Variants in IMPA2 observed in about 807,000 individuals in gnomAD.
IMPA2 encodes the protein IMP 2.
IMPA2 carries 32 observed loss-of-function variants against 35.1 expected under a neutral mutation model. That is an observed-to-expected ratio of 0.91 (90% CI 0.69 to 1.23). IMPA2 has a LOEUF of 1.23. Among genes scored for constraint, IMPA2 ranks in the 50% most tolerant of loss-of-function variants. IMPA2 has a pLI of 0.00. For synonymous variants in IMPA2, 135 were observed against 160.6 expected (o/e 0.84, Z 1.20); for missense variants, 334 against 387.6 (o/e 0.86, Z 1.16).
intron 1 of IMPA2, among the ~76,000 whole-genome samples, chr18:11,995,558 G>A (rs1013232995): frequency 1.3e-5 from 2 of 152,156 alleles, no homozygotes; most frequent in Admixed American, 6.5e-5. Context: ...CTCCCTTCAG[G>A]GGTTTTGACT....
chr18:12,007,890 G>A (rs1234141151), intron 2 of IMPA2, among the ~76,000 whole-genome samples: 1 of 151,266 alleles, frequency 6.6e-6, no homozygotes, highest in Non-Finnish European at 1.5e-5. Flanking sequence ...CGATTCTCCT[G>A]CCTCAGACTC....
intron 5 of IMPA2, chr18:12,017,755 A>C (rs1907618547): frequency 3.1e-6 from 1 of 327,578 alleles, no homozygotes; most frequent in Non-Finnish European, 6.0e-6. Context: ...CATCTGGCTA[A>C]TTTTTTTGTA....
chr18:12,020,439 C>T (rs544815198), intron 5 of IMPA2, among the ~76,000 whole-genome samples: 60 of 152,262 alleles, frequency 3.9e-4, no homozygotes, highest in African/African-American at 1.3e-3. Context: ...GTGATCTGCC[C>T]GCCTCGGCCT....
At position 11,991,243 on chromosome 18, in the gene IMPA2, G is replaced by C. The variant is rs1233147087; in HGVS notation, c.97-7811G>C. The stretch of plus-strand genomic sequence containing the variant: ...GGGTGACGGGTGGCTGCTGGCATTG[G>C]TATGGAAGGTGCCAGTGCCTTGTCA... On this transcript the variant is annotated intron_variant, in intron 1 of 7. Coordinates refer to ENST00000269159, the MANE Select transcript of IMPA2 (RefSeq NM_014214.3). The surrounding 1 kb of genome is among the most constrained non-coding windows in gnomAD (Gnocchi z 4.1). Among the ~76,000 whole-genome samples, 2 of 152,196 alleles carry C rather than the reference G, an allele frequency of 1.3e-5. No homozygotes were observed. The highest frequency in any genetic ancestry group is 4.8e-5 in the African/African-American group (2 of 41,440).
In IMPA2 at chr18:12,028,060, G is replaced by C. The variant is rs1568039907; in HGVS notation, c.508G>C (p.Val170Leu). The part of the protein sequence containing the change: ...SGETDLSKAL[V>L]LTEIGPKRDP... ...TATTGCAGATCTCTCAAAGGCCTTGGTTCTGACAGAAATTGGCCCCAAACG... is the reference window on the plus strand; with the variant it reads ...TATTGCAGATCTCTCAAAGGCCTTGCTTCTGACAGAAATTGGCCCCAAACG... Residue 170 changes from valine (V) to leucine (L), a missense_variant, in exon 6 of 8, where the codon GTT becomes CTT. Transcript: ENST00000269159. The C allele has an allele frequency of 1.9e-6, 3 of 1,613,640 alleles. No homozygotes were observed. Among genetic ancestry groups the C allele is most frequent in the South Asian group, 2.2e-5 (2 of 91,070 alleles).
intron 1 of IMPA2, among the ~76,000 whole-genome samples, chr18:11,989,926 G>C (rs1248625617): frequency 6.6e-6 from 1 of 152,166 alleles, no homozygotes. Context: ...CCCCCTCCTC[G>C]AGCTTTAGGG....
At chr18:12,019,420 ATTTTTTT>A (rs1023606644) in intron 5 of IMPA2, among the ~76,000 whole-genome samples, 3 of 133,104 alleles carry the variant, frequency 2.3e-5, no homozygotes, top group African/African-American at 8.5e-5. Context: ...TGTCCGGCTA[ATTTTTTT>A]TTTTTTTTTT....
chr18:12,012,097 C>CCG, intron 3 of IMPA2, 73 bp from the exon 4 acceptor site: 1 of 1,428,534 alleles, frequency 7.0e-7, no homozygotes. Context: ...CTGCGGGGAG[C>CCG]CGCACAGCAC....
chr18:11,989,730 G>C (rs1211459136), intron 1 of IMPA2, among the ~76,000 whole-genome samples: 1 of 152,196 alleles, frequency 6.6e-6, no homozygotes, highest in Admixed American at 6.5e-5. Context: ...GCCCCCTTAA[G>C]GAGAGGCTGG....
intron 5 of IMPA2, among the ~76,000 whole-genome samples, chr18:12,015,539 C>T (rs956795338): frequency 1.3e-5 from 2 of 152,118 alleles, no homozygotes; most frequent in African/African-American, 4.8e-5. Flanking sequence ...GTGTGAGGGA[C>T]ACGAAGGGCA....
In IMPA2 at chr18:11,981,551, C is replaced by T. The variant is rs1906496035; in HGVS notation, c.-119C>T. 3.2e-6 allele frequency: 2 copies of T among 623,838 alleles called. No individual in the cohort carries two copies. The highest frequency in any genetic ancestry group is 4.6e-6 in the Non-Finnish European group (2 of 434,804). The allele number at this position is 623,838 out of a possible 1,614,324, so 38.6% of individuals were successfully genotyped here. ...GGTGTGGGACGGGCGGCGGACTAGG[C>T]ACAGAGCTGCGGGAGCAGGCACAGG... On this transcript the variant is annotated 5_prime_UTR_variant, in exon 1 of 8. Transcript: ENST00000269159.
chr18:12,015,426 C>T (rs9961159), intron 5 of IMPA2, among the ~76,000 whole-genome samples: 110,190 of 152,222 alleles, frequency 0.72, 40,616 homozygotes, highest in Non-Finnish European at 0.8. Flanking sequence ...TTCGAGGCAG[C>T]GAGAGGAGCT....
chr18:11,985,270 AT>A (rs1263017650), intron 1 of IMPA2, among the ~76,000 whole-genome samples: 9 of 152,278 alleles, frequency 5.9e-5, no homozygotes, highest in South Asian at 2.1e-4. Flanking sequence ...AATACTGCAA[AT>A]ATCACGAAAT....
chr18:11,992,954 C>T (rs911660833), intron 1 of IMPA2, among the ~76,000 whole-genome samples: 4 of 152,150 alleles, frequency 2.6e-5, no homozygotes, highest in Admixed American at 1.3e-4. Flanking sequence ...TTTTCTTAAC[C>T]TAGTATTTTA....
intron 5 of IMPA2, among the ~76,000 whole-genome samples, chr18:12,019,259 T>C (rs1907663428): frequency 6.6e-6 from 1 of 151,384 alleles, no homozygotes; most frequent in South Asian, 2.1e-4. Flanking sequence ...AAAGTAGCAA[T>C]TTTTTTTGTT....
At chr18:11,985,853 C>T (rs1906650622) in intron 1 of IMPA2, among the ~76,000 whole-genome samples, 1 of 152,192 alleles carries the variant, frequency 6.6e-6, no homozygotes, top group Non-Finnish European at 1.5e-5. Flanking sequence ...TTATCTTTAG[C>T]CCACACTGGC....
At chr18:11,993,398 TTGTC>T (rs1906869682) in intron 1 of IMPA2, among the ~76,000 whole-genome samples, 1 of 152,220 alleles carries the variant, frequency 6.6e-6, no homozygotes, top group Non-Finnish European at 1.5e-5. Flanking sequence ...CTTAGTGTCA[TTGTC>T]TGTTGGTGAC....
rs142916295 is a variant in IMPA2 at position 11,984,504 on chromosome 18, T to C, written c.96+2739T>C. 5.1e-3 allele frequency among the ~76,000 whole-genome samples: 772 copies of C among 152,366 alleles called. 3 individuals carry two copies. The highest frequency in any genetic ancestry group is 0.018 in the African/African-American group (729 of 41,580). On this transcript the variant is annotated intron_variant, in intron 1 of 7. Coordinates refer to ENST00000269159, the MANE Select transcript of IMPA2 (RefSeq NM_014214.3). ...CCCCGCGGAGCTGAACCAGCTTCTGTTGGGCCAGAAACTTAGACAATTTAG... is the reference window on the plus strand; with the variant it reads ...CCCCGCGGAGCTGAACCAGCTTCTGCTGGGCCAGAAACTTAGACAATTTAG...
intron 5 of IMPA2, among the ~76,000 whole-genome samples, chr18:12,025,769 G>C (rs1194056550): frequency 6.6e-6 from 1 of 151,972 alleles, no homozygotes; most frequent in Admixed American, 6.6e-5. Context: ...TAATAGAGAC[G>C]GGGTTTCACC....
Sources: gnomAD v4.1 joint callset for allele counts (sites outside exome capture counted in the v4.1 genomes callset) on GRCh38, gnomAD v4.1.1 for gene constraint, Gnocchi (gnomAD v3.1) non-coding constraint, MANE v1.5 for transcripts, NCBI Gene and HGNC (gene_info 2026-07-23, HGNC 2026-07-21) for gene names.